Variants in SLC43A3 observed in about 807,000 individuals in gnomAD.
The protein encoded by SLC43A3 is solute carrier family 43 member 3, also known as equilibrative nucleobase transporter 1.
A neutral mutation model predicts 53.3 loss-of-function variants in SLC43A3; 33 were observed. The observed-to-expected ratio is 0.62, with a 90% CI of 0.47 to 0.83. The LOEUF (loss-of-function observed/expected upper bound fraction) is 0.83. Ranked by LOEUF, SLC43A3 falls within the 40% of genes least tolerant of loss-of-function variation. The probability of loss-of-function intolerance (pLI) is 0.00; values close to 1 mark genes in which losing one functional copy is unlikely to be tolerated. For synonymous variants in SLC43A3, 236 were observed against 246.2 expected, an observed-to-expected ratio of 0.96 and a Z score of 0.39; for missense variants, 530 against 610.0, an observed-to-expected ratio of 0.87 and a Z score of 1.38.
chr11:57,407,948 C>G (rs912281584), intron 13 of SLC43A3, 52 bp from the exon 14 acceptor site: 1 of 1,263,134 alleles, frequency 7.9e-7, no homozygotes, highest in African/African-American at 1.5e-5. Context: ...AACAACAGAA[C>G]TGTTGCTCAA....
At chr11:57,424,151 A>G (rs985720328) in intron 4 of SLC43A3, 123 bp from the exon 5 acceptor site, 1 of 921,738 alleles carries the variant, frequency 1.1e-6, no homozygotes, top group African/African-American at 1.6e-5. Flanking sequence ...CCTGGGATGC[A>G]ACGGGCACTG....
rs748743303 is a variant in SLC43A3 at position 57,417,817 on chromosome 11, A to G, written c.602T>C (p.Val201Ala). 1.2e-5 allele frequency: 20 copies of G among 1,614,080 alleles called. No individual in the cohort carries two copies. The highest frequency in any genetic ancestry group is 1.7e-5 in the Non-Finnish European group (20 of 1,180,042). ...GGGCATCAGGAGGAAAGTGCGTGCT[A>G]CATGCCAGGTACTGCAGACAGAGAT... ...IFISVCSTWHVARTFLLMPRG... is the reference protein window; with the variant it reads ...IFISVCSTWHAARTFLLMPRG... Residue 201 changes from valine (V) to alanine (A), a missense_variant, in exon 8 of 14, where the codon GTA becomes GCA. Transcript: ENST00000395124.
chr11:57,414,506 C>CAAAA (rs397849571), intron 11 of SLC43A3, 109 bp downstream of exon 11: 108 of 288,326 alleles, frequency 3.7e-4, no homozygotes, highest in African/African-American at 5.2e-4. Context: ...GACTCTATCA[C>CAAAA]AAAAAAAAAA....
chr11:57,413,004 G>A (rs981086463), intron 11 of SLC43A3, among the ~76,000 whole-genome samples: 1 of 151,040 alleles, frequency 6.6e-6, no homozygotes, highest in Non-Finnish European at 1.5e-5. Context: ...CAGACACCAG[G>A]GGCTGCTGAC....
chr11:57,410,829 C>T (rs571551490), intron 11 of SLC43A3, among the ~76,000 whole-genome samples: 8 of 152,266 alleles, frequency 5.3e-5, no homozygotes, highest in South Asian at 2.1e-4. Flanking sequence ...GTCTTTCCCA[C>T]GCTATTCTTG....
At chr11:57,426,758 T>C (rs1217416385) in intron 1 of SLC43A3, 106 bp from the exon 2 acceptor site, 1 of 152,658 alleles carries the variant, frequency 6.6e-6, no homozygotes, top group Non-Finnish European at 1.5e-5. Context: ...TTACTGACAA[T>C]GAAACAAAAG....
rs767324170 is a variant in SLC43A3 at position 57,414,666 on chromosome 11, G to A, written c.1009C>T (p.Leu337=). The change falls in exon 11 of 14, where the codon CTG becomes TTG. Residue 337 remains leucine, a synonymous_variant. Transcript: ENST00000395124. Reference sequence around the variant, plus strand: ...TTCTGTTTAAGCCGGTCCATGAGCAGGCCATTCCAGGGGGCACACAGCACT... The same window carrying A: ...TTCTGTTTAAGCCGGTCCATGAGCAAGCCATTCCAGGGGGCACACAGCACT... ...FGVLCAPWNG[L]LMDRLKQKYQ... is the part of the protein sequence containing the mutation. 5 of 1,614,102 alleles carry A rather than the reference G, an allele frequency of 3.1e-6. No homozygotes were observed. The highest frequency in any genetic ancestry group is 1.7e-5 in the Admixed American group (1 of 60,008).
At position 57,414,976 on chromosome 11, in the gene SLC43A3, G is replaced by C; in HGVS notation, c.900C>G (p.Leu300=). The change falls in exon 10 of 14, where the codon CTC becomes CTG. Residue 300 remains leucine, a synonymous_variant. Coordinates refer to ENST00000395124, the MANE Select transcript of SLC43A3 (RefSeq NM_199329.3). The stretch of plus-strand genomic sequence containing the variant: ...CGGCCATGTTGGTCAGCAAGGAGTT[G>C]AGAGTGCCAATGAAGAGGTAGTGCC... The part of the protein sequence containing the change: ...QLWHYLFIGT[L]NSLLTNMAGG... 6.2e-7 allele frequency: 1 copy of C among 1,613,880 alleles called. No homozygotes were observed. The highest frequency in any genetic ancestry group is 8.5e-7 in the Non-Finnish European group (1 of 1,180,030).
At chr11:57,409,410 C>G in intron 12 of SLC43A3, 112 bp from the exon 13 acceptor site, 1 of 1,253,838 alleles carries the variant, frequency 8.0e-7, no homozygotes, top group Non-Finnish European at 1.1e-6. Flanking sequence ...CTGTCCTAGG[C>G]CTGCCCTCCA....
At chr11:57,417,717 C>A in intron 8 of SLC43A3, 31 bp downstream of exon 8, 3 of 1,613,250 alleles carry the variant, frequency 1.9e-6, no homozygotes, top group Non-Finnish European at 2.5e-6. Flanking sequence ...CAATGAGGGG[C>A]TCTGGCCCAC....
chr11:57,414,825 T>A (rs1942643419), intron 10 of SLC43A3, 94 bp from the exon 11 acceptor site: 2 of 1,528,616 alleles, frequency 1.3e-6, no homozygotes, highest in Non-Finnish European at 1.8e-6. Flanking sequence ...TGCATGTCCC[T>A]CCTCCCCACA....
rs183879578 is a variant in SLC43A3 at position 57,409,904 on chromosome 11, T to A, written c.1247+31A>T. The A allele has an allele frequency of 8.5e-4, 1,337 of 1,569,210 alleles. 10 individuals are homozygous for A. The African/African-American group carries it at 0.015, about 17-fold the overall frequency. On this transcript the variant is annotated intron_variant, in intron 12 of 13. Transcript: ENST00000395124. ...GCTTCTCTTTGCCCCAGTGTGTCCG[T>A]CTCCACAGAGCCCGCCCCAAGGCCA...
At position 57,425,673 on chromosome 11, in the gene SLC43A3, G is replaced by A. The variant is rs369388740; in HGVS notation, c.185-3C>T. 43 of 1,613,832 alleles carry A rather than the reference G, an allele frequency of 2.7e-5. No individual in the cohort carries two copies. Reference sequence around the variant, plus strand: ...CCTCTCATCCTGGGCTTTGCAGTCTGGAGTAGAAAAAAGGTCTCCCATGCA... The same window carrying A: ...CCTCTCATCCTGGGCTTTGCAGTCTAGAGTAGAAAAAAGGTCTCCCATGCA... On this transcript the variant is annotated splice_region_variant and splice_polypyrimidine_tract_variant and intron_variant, in intron 3 of 13. Transcript: ENST00000395124.
At chr11:57,419,801 T>G (rs926986278) in intron 7 of SLC43A3, among the ~76,000 whole-genome samples, 1 of 71,326 alleles carries the variant, frequency 1.4e-5, no homozygotes. Context: ...AACTCAATAA[T>G]AAAAAAAAAA....
chr11:57,425,436 G>T, intron 4 of SLC43A3, 105 bp downstream of exon 4: 1 of 1,229,968 alleles, frequency 8.1e-7, no homozygotes, highest in Non-Finnish European at 1.2e-6. Context: ...TGTGGTGCCT[G>T]GCAGGGTGGC....
At chr11:57,416,501 G>A (rs917512730) in intron 9 of SLC43A3, 72 bp downstream of exon 9, 16 of 1,211,508 alleles carry the variant, frequency 1.3e-5, no homozygotes, top group African/African-American at 3.0e-5. Flanking sequence ...GAGCTCTGGA[G>A]GTGAGGGGCC....
At position 57,426,136 on chromosome 11, in the gene SLC43A3, G is replaced by C; in HGVS notation, c.37C>G (p.Leu13Val). Reference sequence around the variant, plus strand: ...AGGCATTCCAGCAGCCCAGTCAGCAGTGTGGCCACGTGCAGGGGCAGGCCC... The same window carrying C: ...AGGCATTCCAGCAGCCCAGTCAGCACTGTGGCCACGTGCAGGGGCAGGCCC... The part of the protein sequence containing the change: ...GQGLPLHVAT[L>V]LTGLLECLGF... The change falls in exon 3 of 14, where the codon CTG becomes GTG. Residue 13 changes from leucine to valine, a missense_variant. Physicochemically the swap from Leu to Val is conservative, Grantham distance 32. This residue lies in a region of SLC43A3 where 30 missense variants were observed against 57.0 expected (regional missense o/e 0.53). Transcript: ENST00000395124. 6.2e-7 allele frequency: 1 copy of C among 1,614,240 alleles called. No individual in the cohort carries two copies. The highest frequency in any genetic ancestry group is 8.5e-7 in the Non-Finnish European group (1 of 1,180,042).
intron 13 of SLC43A3, chr11:57,408,527 A>G (rs1942305490): frequency 6.5e-6 from 1 of 153,788 alleles, no homozygotes; most frequent in African/African-American, 2.4e-5. Context: ...AGATTGTGCC[A>G]CTGCACTCCA....
chr11:57,413,620 G>A (rs1297907895), intron 11 of SLC43A3, among the ~76,000 whole-genome samples: 2 of 152,112 alleles, frequency 1.3e-5, no homozygotes, highest in Admixed American at 6.5e-5. Context: ...GTCTACTTTT[G>A]TCCCTCCTGA....
Sources: gnomAD v4.1 joint callset for allele counts (sites outside exome capture counted in the v4.1 genomes callset) on GRCh38, gnomAD v4.1.1 for gene constraint, gnomAD v4.1.1 regional missense constraint, MANE v1.5 for transcripts, NCBI Gene and HGNC (gene_info 2026-07-23, HGNC 2026-07-21) for gene names.